CADPS2: variants seen among roughly 807,000 people sequenced by gnomAD.
CADPS2 encodes the protein calcium-dependent secretion activator 2.
In CADPS2, 93 loss-of-function variants were observed where a neutral mutation model predicts 172.5. That is an observed-to-expected ratio of 0.54 (90% CI 0.46 to 0.64). The LOEUF is 0.64. CADPS2 is among the 30% of genes least tolerant of loss of function. The pLI, the probability that CADPS2 is intolerant of heterozygous loss-of-function variation, is 0.00. For synonymous variants in CADPS2, 546 were observed against 555.2 expected, an observed-to-expected ratio of 0.98 and a Z score of 0.23; for missense variants, 1,420 against 1,565.9, an observed-to-expected ratio of 0.91 and a Z score of 1.57.
At chr7:122,490,019 T>C in intron 11 of CADPS2, 62 bp downstream of exon 11, 1 of 1,439,162 alleles carries the variant, frequency 6.9e-7, no homozygotes, top group East Asian at 2.4e-5. Flanking sequence ...TACATTTGCC[T>C]CAATTTTATA....
chr7:122,506,423 T>G (rs2059611320), intron 9 of CADPS2, among the ~76,000 whole-genome samples: 2 of 152,308 alleles, frequency 1.3e-5, no homozygotes, highest in Non-Finnish European at 2.9e-5. Flanking sequence ...GCATCACTGC[T>G]TTTGATAGGG....
chr7:122,343,887 A>C (rs767871829), intron 28 of CADPS2, among the ~76,000 whole-genome samples: 17 of 152,230 alleles, frequency 1.1e-4, no homozygotes, highest in Non-Finnish European at 1.9e-4. Flanking sequence ...ATATGGTTTC[A>C]GTATTTTGTA....
chr7:122,883,904 G>A (rs765570395), intron 1 of CADPS2, among the ~76,000 whole-genome samples: 3 of 152,046 alleles, frequency 2.0e-5, no homozygotes, highest in Non-Finnish European at 2.9e-5. Context: ...GTAATGCCTG[G>A]ATAAGGTTAT....
intron 6 of CADPS2, among the ~76,000 whole-genome samples, chr7:122,595,760 T>C (rs990436101): frequency 3.9e-5 from 6 of 151,920 alleles, no homozygotes; most frequent in African/African-American, 1.2e-4. Context: ...TACACAGAAG[T>C]AGAATGGGAG....
At chr7:122,346,766 AGTACTAGTAAGGGATAGATGCCT>A (rs1387660583) in intron 27 of CADPS2, among the ~76,000 whole-genome samples, 1 of 152,210 alleles carries the variant, frequency 6.6e-6, no homozygotes, top group African/African-American at 2.4e-5. Context: ...CTGCAAAGTC[AGTACTAGTAAGGGATAGATGCCT>A]GCATGGCTGT....
chr7:122,429,286 A>C lies in CADPS2; in HGVS notation c.2476+9055T>G, dbSNP rs144769152. On this transcript the variant is annotated intron_variant, in intron 17 of 29. Coordinates refer to ENST00000449022, the MANE Select transcript of CADPS2 (RefSeq NM_017954.11). ...CACACACACAGCTTTTTTTTAAAAT[A>C]TATATCACAAAACTAAGTTTCAATT... Among the ~76,000 whole-genome samples the C allele has an allele frequency of 2.5e-3, 374 of 150,262 alleles. 2 individuals are homozygous for C. Among genetic ancestry groups the C allele is most frequent in the African/African-American group, 8.8e-3 (360 of 40,682 alleles).
chr7:122,563,379 C>T (rs772567835), intron 7 of CADPS2, among the ~76,000 whole-genome samples: 46 of 152,152 alleles, frequency 3.0e-4, no homozygotes, highest in Non-Finnish European at 4.7e-4. Context: ...TATGGAGAAT[C>T]TATCAACTGA....
At chr7:122,734,372 AAAAAAAAAAAAAAAGAAAAAAAAAAAAG>A (rs1416580617) in intron 2 of CADPS2, among the ~76,000 whole-genome samples, 1 of 93,626 alleles carries the variant, frequency 1.1e-5, no homozygotes, top group Admixed American at 1.2e-4. Context: ...AAAAAAAAAA[AAAAAAAAAAAAAAAGAAAAAAAAAAAAG>A]AAAATCTGGA....
chr7:122,761,050 A>G (rs1428139969), intron 1 of CADPS2, among the ~76,000 whole-genome samples: 3 of 152,166 alleles, frequency 2.0e-5, no homozygotes, highest in African/African-American at 7.2e-5. Flanking sequence ...GAGGTGAACA[A>G]AATAGTCTTG....
chr7:122,799,337 C>T (rs774563665), intron 1 of CADPS2, among the ~76,000 whole-genome samples: 7 of 152,148 alleles, frequency 4.6e-5, no homozygotes, highest in East Asian at 3.9e-4. Flanking sequence ...CGGTGGCTCA[C>T]GCCTGTAGTC....
At chr7:122,365,497 A>G (rs2040734706) in intron 25 of CADPS2, among the ~76,000 whole-genome samples, 1 of 152,226 alleles carries the variant, frequency 6.6e-6, no homozygotes, top group Non-Finnish European at 1.5e-5. Flanking sequence ...TTTTAATTGC[A>G]TAAAACAGCA....
intron 7 of CADPS2, among the ~76,000 whole-genome samples, chr7:122,569,067 A>G (rs879858410): frequency 2.0e-5 from 3 of 152,182 alleles, no homozygotes; most frequent in Non-Finnish European, 4.4e-5. Flanking sequence ...AGTGTATCCA[A>G]TTAGGAAAAG....
intron 17 of CADPS2, among the ~76,000 whole-genome samples, chr7:122,416,750 G>T (rs2047968364): frequency 6.6e-6 from 1 of 152,188 alleles, no homozygotes; most frequent in Non-Finnish European, 1.5e-5. Context: ...GGGGAGGAAG[G>T]CAGAAGTGTT....
chr7:122,676,961 C>A (rs377650095), intron 2 of CADPS2: 59 of 364,198 alleles, frequency 1.6e-4, no homozygotes, highest in African/African-American at 1.0e-3. Context: ...GCCTTCTCTT[C>A]CATTTCTTTC....
intron 1 of CADPS2, among the ~76,000 whole-genome samples, chr7:122,855,206 T>C (rs1009872503): frequency 1.3e-5 from 2 of 152,202 alleles, no homozygotes; most frequent in Non-Finnish European, 2.9e-5. Context: ...AGTAGTAGTA[T>C]TCATTAGCAG....
intron 6 of CADPS2, among the ~76,000 whole-genome samples, chr7:122,610,613 T>C (rs772563098): frequency 2.0e-5 from 3 of 152,060 alleles, no homozygotes; most frequent in Non-Finnish European, 4.4e-5. Context: ...TGTTTAAAAA[T>C]TGAATTTTGA....
intron 28 of CADPS2, 75 bp from the exon 29 acceptor site, chr7:122,325,656 T>A: frequency 1.2e-6 from 1 of 851,450 alleles, no homozygotes; most frequent in Non-Finnish European, 1.9e-6. Context: ...ATTTAACAGA[T>A]TCGATAATGA....
intron 27 of CADPS2, among the ~76,000 whole-genome samples, chr7:122,359,641 T>C (rs2039878661): frequency 6.6e-6 from 1 of 152,108 alleles, no homozygotes; most frequent in Non-Finnish European, 1.5e-5. Context: ...AAACATAAAA[T>C]CTCCCCTTAA....
chr7:122,842,414 T>C (rs1444733554), intron 1 of CADPS2, among the ~76,000 whole-genome samples: 1 of 152,214 alleles, frequency 6.6e-6, no homozygotes, highest in Admixed American at 6.5e-5. Flanking sequence ...AGCTGTGTTC[T>C]TGCCAGTTTC....
Sources: allele counts gnomAD v4.1 joint callset (sites outside exome capture counted in the v4.1 genomes callset), GRCh38; gene constraint gnomAD v4.1.1; transcripts MANE v1.5; gene names NCBI Gene and HGNC (gene_info 2026-07-23, HGNC 2026-07-21).